Variants in VPS37C observed in about 807,000 individuals in gnomAD.
VPS37C encodes vacuolar protein sorting-associated protein 37C.
A neutral mutation model predicts 16.1 loss-of-function variants in VPS37C; 9 were observed. That is an observed-to-expected ratio of 0.56 (90% CI 0.34 to 0.97). VPS37C has a LOEUF of 0.97. Among genes scored for constraint, VPS37C ranks in the 50% least tolerant of loss-of-function variants. The pLI is 0.02. For synonymous variants in VPS37C, 207 were observed against 206.4 expected (o/e 1.00, Z -0.02); for missense variants, 479 against 472.7 (o/e 1.01, Z -0.12).
chr11:61,133,846 C>A (rs1223881704), intron 3 of VPS37C, among the ~76,000 whole-genome samples, 190 bp downstream of exon 3: 1 of 152,220 alleles, frequency 6.6e-6, no homozygotes, highest in Non-Finnish European at 1.5e-5. Flanking sequence ...AGCTGGGTGA[C>A]CTTAGTCAAG....
intron 2 of VPS37C, among the ~76,000 whole-genome samples, chr11:61,135,885 C>T (rs1421662961): frequency 6.6e-6 from 1 of 152,208 alleles, no homozygotes; most frequent in Non-Finnish European, 1.5e-5. Context: ...CAAATCGACG[C>T]TGTATCATTT....
At chr11:61,146,016 G>A (rs1485973959) in intron 1 of VPS37C, among the ~76,000 whole-genome samples, 1 of 152,210 alleles carries the variant, frequency 6.6e-6, no homozygotes, top group Non-Finnish European at 1.5e-5. Flanking sequence ...TTGAAGACAA[G>A]GAGAATGTCT....
intron 1 of VPS37C, among the ~76,000 whole-genome samples, chr11:61,146,172 C>T (rs1484730807): frequency 6.6e-6 from 1 of 152,188 alleles, no homozygotes; most frequent in East Asian, 1.9e-4. Context: ...CCCTTACCCC[C>T]GCCTGCTCGC....
intron 4 of VPS37C, 106 bp from the exon 5 acceptor site, chr11:61,132,645 C>CA: frequency 6.9e-7 from 1 of 1,442,604 alleles, no homozygotes; most frequent in Admixed American, 2.4e-5. Context: ...CACGCCGCCT[C>CA]AGGCACCCCC....
At chr11:61,142,397 A>G (rs1307104225) in intron 1 of VPS37C, among the ~76,000 whole-genome samples, 3 of 152,056 alleles carry the variant, frequency 2.0e-5, no homozygotes, top group African/African-American at 7.2e-5. Flanking sequence ...ACACCCAGCT[A>G]ATTTTTTCAA....
chr11:61,148,513 C>T (rs657975), intron 1 of VPS37C, among the ~76,000 whole-genome samples: 8,334 of 151,596 alleles, frequency 0.055, 769 homozygotes, highest in African/African-American at 0.19. Context: ...TTTCTTTTCC[C>T]GGAATGATTC....
chr11:61,152,640 C>T (rs1170004284), intron 1 of VPS37C, among the ~76,000 whole-genome samples: 1 of 152,126 alleles, frequency 6.6e-6, no homozygotes, highest in African/African-American at 2.4e-5. Flanking sequence ...ATCAGCTGAC[C>T]CCGAGCCTCT....
At chr11:61,134,630 C>G (rs1374562535) in intron 2 of VPS37C, among the ~76,000 whole-genome samples, 2 of 152,198 alleles carry the variant, frequency 1.3e-5, no homozygotes, top group Non-Finnish European at 2.9e-5. Context: ...CCATGGTGGG[C>G]TCAGGTGGTC....
chr11:61,141,169 G>A (rs1193495181), intron 1 of VPS37C, among the ~76,000 whole-genome samples: 1 of 152,142 alleles, frequency 6.6e-6, no homozygotes, highest in Non-Finnish European at 1.5e-5. Context: ...AGGAGTTCGC[G>A]ACCAGCCTAG....
chr11:61,132,815 C>CAT, intron 4 of VPS37C: 1 of 576,346 alleles, frequency 1.7e-6, no homozygotes. Context: ...GTGGCCACTG[C>CAT]ATATATGTGC....
intron 1 of VPS37C, among the ~76,000 whole-genome samples, chr11:61,146,218 A>T (rs1045616352): frequency 6.6e-6 from 1 of 152,228 alleles, no homozygotes; most frequent in African/African-American, 2.4e-5. Flanking sequence ...ATACTTATGA[A>T]GCAATTGCAT....
chr11:61,132,468 C>A lies in VPS37C; in HGVS notation c.420G>T (p.Arg140Ser), dbSNP rs1174754254. ...ETFLENFSSM[R>S]MLSHLRRVRV... is the part of the protein sequence containing the mutation. ...GAACCCGGCGCAGGTGGGACAGCAT[C>A]CTCATGGAGGAAAAATTCTCCAGGA... is the stretch of plus-strand genomic sequence containing the variant. Residue 140 changes from arginine (R) to serine (S), a missense_variant, in exon 5 of 5, where the codon AGG becomes AGT. Coordinates refer to ENST00000301765, the MANE Select transcript of VPS37C (RefSeq NM_017966.5). 6.2e-7 allele frequency: 1 copy of A among 1,612,734 alleles called. No homozygotes were observed. Among genetic ancestry groups the A allele is most frequent in the Non-Finnish European group, 8.5e-7 (1 of 1,179,502 alleles).
chr11:61,142,716 C>A (rs1266952541), intron 1 of VPS37C, among the ~76,000 whole-genome samples: 1 of 146,562 alleles, frequency 6.8e-6, no homozygotes, highest in African/African-American at 2.5e-5. Flanking sequence ...TCATGGATGG[C>A]CTGAAAGGGT....
In VPS37C at chr11:61,131,950, A is replaced by T. The variant is rs1861269799; in HGVS notation, c.938T>A (p.Ile313Lys). Residue 313 changes from isoleucine (I) to lysine (K), a missense_variant, in exon 5 of 5, where the codon ATA becomes AAA. Ile to Lys is a moderately radical substitution (Grantham distance 102). Coordinates refer to ENST00000301765, the MANE Select transcript of VPS37C (RefSeq NM_017966.5). ...TGGAAAGCTGGGGAGCTGAGGCTGTATTGGGTAGGGAGGTTTTCCTCCTGT... is the reference window on the plus strand; with the variant it reads ...TGGAAAGCTGGGGAGCTGAGGCTGTTTTGGGTAGGGAGGTTTTCCTCCTGT... ...PATGGKPPYP[I>K]QPQLPSFPGQ... The T allele has an allele frequency of 8.5e-6, 11 of 1,300,470 alleles. No homozygotes were observed. Among genetic ancestry groups the T allele is most frequent in the Non-Finnish European group, 1.1e-5 (11 of 1,017,850 alleles). 80.6% of individuals were successfully genotyped at this position (1,300,470 alleles called of 1,614,324 possible). A position where few individuals can be genotyped will look rare whatever the true frequency, so the allele number is the denominator to read the frequency against.
At chr11:61,159,040 AT>A (rs1853422190) in intron 1 of VPS37C, among the ~76,000 whole-genome samples, 2 of 152,270 alleles carry the variant, frequency 1.3e-5, no homozygotes, top group South Asian at 4.2e-4. Context: ...AAAGAGCTAA[AT>A]CCATTAAATC....
In VPS37C at chr11:61,130,997, G is replaced by C; in HGVS notation, c.*823C>G. 1 of 316,206 alleles carries C rather than the reference G, an allele frequency of 3.2e-6. No individual in the cohort carries two copies. The highest frequency in any genetic ancestry group is 6.0e-6 in the Non-Finnish European group (1 of 167,478). 19.6% of individuals were successfully genotyped at this position (316,206 alleles called of 1,614,324 possible). ...CCTAAAGTGGGGACCCCAGAGGAGA[G>C]AAGGGAGGGTGGCTGGGGAGGTGAC... On this transcript the variant is annotated 3_prime_UTR_variant, in exon 5 of 5. Transcript: ENST00000301765.
intron 1 of VPS37C, chr11:61,161,087 G>C (rs575919840): frequency 6.6e-6 from 1 of 152,368 alleles, no homozygotes; most frequent in Non-Finnish European, 1.5e-5. Flanking sequence ...TCACATATGG[G>C]ACGAGGGCCT....
chr11:61,151,613 A>G (rs1319920733), intron 1 of VPS37C, among the ~76,000 whole-genome samples: 1 of 152,226 alleles, frequency 6.6e-6, no homozygotes, highest in African/African-American at 2.4e-5. Context: ...AGGGATCAAT[A>G]AACAGTCGCT....
chr11:61,142,702 A>G (rs1477680534), intron 1 of VPS37C, among the ~76,000 whole-genome samples: 4 of 150,372 alleles, frequency 2.7e-5, no homozygotes, highest in Non-Finnish European at 5.9e-5. Flanking sequence ...AAACTACTCT[A>G]ACCTCATGGA....
Sources: allele counts gnomAD v4.1 joint callset (sites outside exome capture counted in the v4.1 genomes callset), GRCh38; gene constraint gnomAD v4.1.1; transcripts MANE v1.5; gene names NCBI Gene and HGNC (gene_info 2026-07-23, HGNC 2026-07-21).